Variants in BAZ2A observed in about 807,000 individuals in gnomAD.
The protein encoded by BAZ2A is bromodomain adjacent to zinc finger domain protein 2A.
Under a neutral mutation model 199.9 loss-of-function variants are expected in BAZ2A, and 34 were observed. The ratio of observed to expected loss-of-function variants is 0.17; its 90% confidence interval spans 0.13 to 0.23. The LOEUF is 0.23. Among genes scored for constraint, BAZ2A ranks in the 10% least tolerant of loss-of-function variants. The probability of loss-of-function intolerance (pLI) is 1.00; values close to 1 mark genes in which losing one functional copy is unlikely to be tolerated. For synonymous variants in BAZ2A, 857 were observed against 883.9 expected, an observed-to-expected ratio of 0.97 and a Z score of 0.54; for missense variants, 2,002 against 2,391.1, an observed-to-expected ratio of 0.84 and a Z score of 3.39.
upstream of BAZ2A, chr12:56,638,199 G>A (rs1592642966): frequency 1.2e-6 from 1 of 805,404 alleles, no homozygotes; most frequent in Non-Finnish European, 2.0e-6. Flanking sequence ...CATTTTATTG[G>A]AAACCTTAAA....
chr12:56,638,295 G>C (rs745841573), upstream of BAZ2A: 1 of 1,589,352 alleles, frequency 6.3e-7, no homozygotes, highest in South Asian at 1.1e-5. Flanking sequence ...GGGGCAAGGA[G>C]AGAGACAGTA....
intron 1 of BAZ2A, among the ~76,000 whole-genome samples, chr12:56,627,234 C>T (rs1321310876): frequency 6.6e-6 from 1 of 152,136 alleles, no homozygotes; most frequent in Non-Finnish European, 1.5e-5. Context: ...TGCCTGTAAC[C>T]CCAGCACTTT....
intron 27 of BAZ2A, 26 bp downstream of exon 27, chr12:56,599,103 G>A (rs1886136308): frequency 3.7e-6 from 6 of 1,600,852 alleles, no homozygotes; most frequent in Non-Finnish European, 5.1e-6. Flanking sequence ...AGAGCCAACT[G>A]TCCCCCCAGG....
At chr12:56,614,630 C>T (rs942320456) in intron 3 of BAZ2A, among the ~76,000 whole-genome samples, 2 of 152,200 alleles carry the variant, frequency 1.3e-5, no homozygotes, top group Non-Finnish European at 2.9e-5. Flanking sequence ...TGGGCTCAGA[C>T]GACTTTAACA....
At position 56,611,872 on chromosome 12, in the gene BAZ2A, G is replaced by A. The variant is rs1481312344; in HGVS notation, c.1510C>T (p.Pro504Ser). 1.9e-6 allele frequency: 3 copies of A among 1,603,628 alleles called. No individual in the cohort carries two copies. Among genetic ancestry groups the A allele is most frequent in the Non-Finnish European group, 2.6e-6 (3 of 1,173,850 alleles). The change falls in exon 6 of 29, where the codon CCA (proline) becomes TCA (serine). Residue 504 changes from proline to serine, a missense_variant. By Grantham distance (74) the Pro-to-Ser change is moderately conservative. Transcript: ENST00000549884. ...SPVTSPAAAF[P>S]TASPANKDVS... The stretch of plus-strand genomic sequence containing the variant: ...TCCTTATTTGCTGGGGAGGCTGTTG[G>A]AAAGGCAGCTGCTGGGGAAGTTACG...
At chr12:56,622,602 TC>T (rs1950955771) in intron 1 of BAZ2A, among the ~76,000 whole-genome samples, 1 of 152,092 alleles carries the variant, frequency 6.6e-6, no homozygotes, top group Non-Finnish European at 1.5e-5. Context: ...GTAAACTCTG[TC>T]CTCCCATCCA....
chr12:56,625,154 C>CTTTTTTTTTTT (rs1002458672), intron 1 of BAZ2A, among the ~76,000 whole-genome samples: 2 of 108,108 alleles, frequency 1.8e-5, no homozygotes, highest in African/African-American at 3.8e-5. Context: ...CTTAGAATTT[C>CTTTTTTTTTTT]TTTTTTTTTT....
intron 2 of BAZ2A, among the ~76,000 whole-genome samples, chr12:56,616,142 C>A (rs1335977469): frequency 6.6e-6 from 1 of 152,102 alleles, no homozygotes; most frequent in East Asian, 1.9e-4. Flanking sequence ...ACCTCGTGAT[C>A]CACCTGCCTC....
At chr12:56,628,394 C>G (rs999057902) in intron 1 of BAZ2A, among the ~76,000 whole-genome samples, 1 of 151,896 alleles carries the variant, frequency 6.6e-6, no homozygotes, top group African/African-American at 2.4e-5. Context: ...CTGGGCACGA[C>G]TTTGCAGGGA....
At position 56,610,169 on chromosome 12, in the gene BAZ2A, C is replaced by G. The variant is rs1360522445; in HGVS notation, c.1826G>C (p.Ser609Thr). 2 of 1,613,866 alleles carry G rather than the reference C, an allele frequency of 1.2e-6. No individual in the cohort carries two copies. The highest frequency in any genetic ancestry group is 1.7e-6 in the Non-Finnish European group (2 of 1,179,890). ...VVHSVRREHF[S>T]FSPRMPVGDF... ...TCCAACAGGCATACGGGGACTGAAGCTGAAGTGCTCTCGGCGGACACTGTG... is the reference window on the plus strand; with the variant it reads ...TCCAACAGGCATACGGGGACTGAAGGTGAAGTGCTCTCGGCGGACACTGTG... Residue 609 changes from serine to threonine, a missense_variant, in exon 9 of 29, where the codon AGC (serine) becomes ACC (threonine). Around this residue, in one of 6 missense-constraint regions of BAZ2A, gnomAD observed 74 missense variants for 126.1 expected, o/e 0.59. Coordinates refer to ENST00000549884, the MANE Select transcript of BAZ2A (RefSeq NM_001300905.2).
Position 56,597,894 on chromosome 12 carries a change from G to GCTATCCCCT in BAZ2A, c.*723_*724insAGGGGATAG, listed in dbSNP as rs1885991065. 1 of 152,638 alleles carries GCTATCCCCT rather than the reference G, an allele frequency of 6.6e-6. No individual in the cohort carries two copies. The allele number at this position is 152,638 out of a possible 1,614,324, so 9.5% of individuals were successfully genotyped here. On this transcript the variant is annotated 3_prime_UTR_variant, in exon 29 of 29. Coordinates refer to ENST00000549884, the MANE Select transcript of BAZ2A (RefSeq NM_001300905.2). ...TGAGGAGCATCCAACATCATACAGG[G>GCTATCCCCT]GATAGCTATCGGCAGGAAGATGGGG...
upstream of BAZ2A, among the ~76,000 whole-genome samples, chr12:56,634,315 G>A (rs916477734): frequency 2.0e-5 from 3 of 152,146 alleles, no homozygotes; most frequent in African/African-American, 4.8e-5. Context: ...CTGGCCCCCA[G>A]CTCCCAGGTT....
chr12:56,620,418 T>C (rs1950879749), intron 1 of BAZ2A, among the ~76,000 whole-genome samples: 1 of 151,950 alleles, frequency 6.6e-6, no homozygotes, highest in South Asian at 2.1e-4. Context: ...GGAGGATTGT[T>C]TGAGCCTGGG....
In BAZ2A at chr12:56,615,443, G is replaced by T. The variant is rs753413154; in HGVS notation, c.301C>A (p.Pro101Thr). 1 of 1,613,460 alleles carries T rather than the reference G, an allele frequency of 6.2e-7. No individual in the cohort carries two copies. Among genetic ancestry groups the T allele is most frequent in the African/African-American group, 1.3e-5 (1 of 74,962 alleles). The change falls in exon 3 of 29, where the codon CCT becomes ACT. Residue 101 changes from proline (P) to threonine (T), a missense_variant. Physicochemically the swap from Pro to Thr is conservative, Grantham distance 38 (BLOSUM62 -1). Transcript: ENST00000549884. ...WNYSQYPSAN[P>T]GSNLKDPPLL... The stretch of plus-strand genomic sequence containing the variant: ...GGTGGGTCCTTGAGGTTGCTGCCAG[G>T]ATTGGCAGATGGGTACTGTGAGTAG...
In BAZ2A at chr12:56,614,838, GTGC is replaced by G; in HGVS notation, c.730+173_730+175del. 4 of 697,816 alleles carry G rather than the reference GTGC, an allele frequency of 5.7e-6. No homozygotes were observed. In the Admixed American group the frequency reaches 1.1e-4, roughly 19 times the overall value. 43.2% of individuals were successfully genotyped at this position (697,816 alleles called of 1,614,324 possible). On this transcript the variant is annotated intron_variant, in intron 3 of 28. Transcript: ENST00000549884. ...AATTTGCACTCCCACTCGCGAGCTG[GTGC>G]TGCTGCCACAAAAACACCAGCCACT...
intron 10 of BAZ2A, among the ~76,000 whole-genome samples, chr12:56,608,422 T>C (rs781407749): frequency 4.0e-5 from 6 of 151,636 alleles, no homozygotes; most frequent in Non-Finnish European, 7.4e-5. Context: ...GGTTGAAACA[T>C]GACACGGCTA....
upstream of BAZ2A, among the ~76,000 whole-genome samples, chr12:56,636,565 A>C (rs1951453090): frequency 6.6e-6 from 1 of 152,136 alleles, no homozygotes; most frequent in African/African-American, 2.4e-5. Flanking sequence ...GAGAGGGAGA[A>C]GGTTCTCGAT....
At chr12:56,634,575 G>C (rs1304396707), upstream of BAZ2A, among the ~76,000 whole-genome samples, 3 of 152,208 alleles carry the variant, frequency 2.0e-5, no homozygotes, top group Admixed American at 2.0e-4. Flanking sequence ...GAGGAGTTGG[G>C]GTGGGTATCC....
chr12:56,627,207 C>A (rs1374583994), intron 1 of BAZ2A, among the ~76,000 whole-genome samples: 1 of 152,204 alleles, frequency 6.6e-6, no homozygotes, highest in Non-Finnish European at 1.5e-5. Context: ...TCTTTCAAGG[C>A]TTGGCCCTGT....
Sources: gnomAD v4.1 joint callset for allele counts (sites outside exome capture counted in the v4.1 genomes callset) on GRCh38, gnomAD v4.1.1 for gene constraint, gnomAD v4.1.1 regional missense constraint, MANE v1.5 for transcripts, NCBI Gene and HGNC (gene_info 2026-07-23, HGNC 2026-07-21) for gene names.